EPHA3: variants seen among roughly 807,000 people sequenced by gnomAD.
EPHA3 encodes the protein ephrin type-A receptor 3.
Under a neutral mutation model 107.1 loss-of-function variants are expected in EPHA3, and 42 were observed. The observed-to-expected ratio is 0.39, with a 90% CI of 0.31 to 0.51. EPHA3 has a LOEUF of 0.51. Ranked by LOEUF, EPHA3 falls within the 20% of genes least tolerant of loss-of-function variation. The probability of loss-of-function intolerance (pLI) is 0.78; values close to 1 mark genes in which losing one functional copy is unlikely to be tolerated. For missense variants in EPHA3, 1,183 were observed against 1,211.2 expected, an observed-to-expected ratio of 0.98 and a Z score of 0.35; for synonymous variants, 461 against 424.8, an observed-to-expected ratio of 1.09 and a Z score of -1.05.
intron 3 of EPHA3, among the ~76,000 whole-genome samples, chr3:89,249,027 A>G (rs1705101445): frequency 6.6e-6 from 1 of 152,198 alleles, no homozygotes; most frequent in Non-Finnish European, 1.5e-5. Context: ...TCCTTTTCCC[A>G]GTATCCCTTG....
At chr3:89,330,159 G>C (rs1437227952) in intron 3 of EPHA3, among the ~76,000 whole-genome samples, 2 of 151,638 alleles carry the variant, frequency 1.3e-5, no homozygotes, top group Non-Finnish European at 2.9e-5. Context: ...TCTATTTAGG[G>C]AATAAATTTC....
chr3:89,254,247 A>T (rs1227687406), intron 3 of EPHA3, among the ~76,000 whole-genome samples: 1 of 152,198 alleles, frequency 6.6e-6, no homozygotes, highest in Non-Finnish European at 1.5e-5. Context: ...TAGTTAAAAA[A>T]TTTATGTTGG....
chr3:89,174,225 C>T (rs951183266), intron 2 of EPHA3, among the ~76,000 whole-genome samples: 3 of 151,820 alleles, frequency 2.0e-5, no homozygotes, highest in Non-Finnish European at 2.9e-5. Context: ...CTTAGGTTTC[C>T]GTGATACTAG....
intron 15 of EPHA3, among the ~76,000 whole-genome samples, chr3:89,471,163 A>T (rs1328739704): frequency 6.7e-6 from 1 of 149,248 alleles, no homozygotes; most frequent in Non-Finnish European, 1.5e-5. Context: ...TAAAGAGGCC[A>T]CTAAGAGCTG....
At chr3:89,436,459 G>C (rs1709672095) in intron 13 of EPHA3, among the ~76,000 whole-genome samples, 1 of 152,184 alleles carries the variant, frequency 6.6e-6, no homozygotes, top group Non-Finnish European at 1.5e-5. Flanking sequence ...TCAATGCAAT[G>C]ACCCTTTCCT....
At chr3:89,351,583 C>G (rs1179137946) in intron 5 of EPHA3, among the ~76,000 whole-genome samples, 1 of 151,168 alleles carries the variant, frequency 6.6e-6, no homozygotes. Context: ...TCTTCTGCGT[C>G]GCTCACGCTG....
intron 9 of EPHA3, among the ~76,000 whole-genome samples, chr3:89,412,524 C>T (rs1464176837): frequency 2.0e-5 from 3 of 151,216 alleles, no homozygotes; most frequent in Admixed American, 1.3e-4. Flanking sequence ...ATTATATATA[C>T]ACACCAATAT....
chr3:89,228,182 T>C (rs903303394), intron 3 of EPHA3, among the ~76,000 whole-genome samples: 7 of 151,880 alleles, frequency 4.6e-5, no homozygotes, highest in African/African-American at 1.7e-4. Context: ...ATAAGAAAAA[T>C]AGTTTCTGCT....
intron 3 of EPHA3, among the ~76,000 whole-genome samples, chr3:89,281,297 T>C (rs550866188): frequency 3.7e-4 from 57 of 152,264 alleles, no homozygotes; most frequent in African/African-American, 1.3e-3. Flanking sequence ...AGTGCTAGGA[T>C]TACAGGCATG....
intron 1 of EPHA3, among the ~76,000 whole-genome samples, chr3:89,126,100 G>A (rs549478865): frequency 6.6e-6 from 1 of 151,788 alleles, no homozygotes; most frequent in Admixed American, 6.5e-5. Flanking sequence ...GTTGTGCGGT[G>A]TATGTATTTA....
At chr3:89,108,763 G>C (rs1412767065) in intron 1 of EPHA3, among the ~76,000 whole-genome samples, 2 of 152,026 alleles carry the variant, frequency 1.3e-5, no homozygotes, top group Non-Finnish European at 2.9e-5. Context: ...TTCCTTTTGT[G>C]ATCTATTCTT....
intron 3 of EPHA3, among the ~76,000 whole-genome samples, chr3:89,340,526 T>A (rs1707495403): frequency 6.6e-6 from 1 of 152,242 alleles, no homozygotes; most frequent in Non-Finnish European, 1.5e-5. Flanking sequence ...AATGTTAATA[T>A]ACTGCTTGCT....
At chr3:89,417,763 G>A (rs976244847) in intron 10 of EPHA3, among the ~76,000 whole-genome samples, 2 of 151,346 alleles carry the variant, frequency 1.3e-5, no homozygotes, top group African/African-American at 4.8e-5. Flanking sequence ...GTCCTGTCTT[G>A]TTTACCATTA....
intron 3 of EPHA3, among the ~76,000 whole-genome samples, chr3:89,220,825 T>G (rs1317902103): frequency 6.6e-6 from 1 of 152,232 alleles, no homozygotes; most frequent in Non-Finnish European, 1.5e-5. Context: ...GTTTTAGTAC[T>G]GGTCCTTTGA....
intron 5 of EPHA3, among the ~76,000 whole-genome samples, chr3:89,351,571 C>A (rs1254212557): frequency 2.0e-5 from 3 of 150,774 alleles, no homozygotes; most frequent in African/African-American, 4.9e-5. Context: ...AGAAATCACC[C>A]GTCTTCTGCG....
intron 3 of EPHA3, among the ~76,000 whole-genome samples, chr3:89,260,382 G>T (rs1298058479): frequency 2.0e-5 from 3 of 152,088 alleles, no homozygotes; most frequent in Non-Finnish European, 2.9e-5. Flanking sequence ...AATCTATTGG[G>T]TATGAAGTGA....
intron 3 of EPHA3, among the ~76,000 whole-genome samples, chr3:89,218,036 A>G (rs1704259162): frequency 6.6e-6 from 1 of 152,146 alleles, no homozygotes; most frequent in South Asian, 2.1e-4. Flanking sequence ...CAATCCATCT[A>G]TCATCATGCA....
Position 89,110,071 on chromosome 3 carries a change from G to A in EPHA3, c.88+2235G>A, listed in dbSNP as rs1339776898. ...TCTAACAATGTAATTTAAATAGAAA[G>A]CAATTCTTTTGAAAATGTATATATG... On this transcript the variant is annotated intron_variant, in intron 1 of 16. Coordinates refer to ENST00000336596, the MANE Select transcript of EPHA3 (RefSeq NM_005233.6). Among the ~76,000 whole-genome samples, 3 of 151,918 alleles carry A rather than the reference G, an allele frequency of 2.0e-5. No individual in the cohort carries two copies. The East Asian group carries it at 5.8e-4, about 29-fold the overall frequency.
At chr3:89,366,401 C>T (rs566436290) in intron 5 of EPHA3, among the ~76,000 whole-genome samples, 16 of 150,724 alleles carry the variant, frequency 1.1e-4, no homozygotes, top group African/African-American at 3.9e-4. Context: ...AGATCAAAAA[C>T]ATGAACGCAT....
Sources: allele counts gnomAD v4.1 joint callset (sites outside exome capture counted in the v4.1 genomes callset), GRCh38; gene constraint gnomAD v4.1.1; transcripts MANE v1.5; gene names NCBI Gene and HGNC (gene_info 2026-07-23, HGNC 2026-07-21).